MYO3B: variants seen among roughly 807,000 people sequenced by gnomAD.
The protein encoded by MYO3B is myosin IIIB, also known as myosin-IIIb.
A neutral mutation model predicts 174.6 loss-of-function variants in MYO3B; 156 were observed. The observed-to-expected ratio is 0.89, with a 90% CI of 0.78 to 1.02. The LOEUF is 1.02. Among genes scored for constraint, MYO3B ranks in the 50% least tolerant of loss-of-function variants. The pLI, the probability that MYO3B is intolerant of heterozygous loss-of-function variation, is 0.00. For synonymous variants in MYO3B, 563 were observed against 569.1 expected, an observed-to-expected ratio of 0.99 and a Z score of 0.15; for missense variants, 1,632 against 1,639.4, an observed-to-expected ratio of 1.00 and a Z score of 0.08.
intron 22 of MYO3B, among the ~76,000 whole-genome samples, chr2:170,419,238 A>C (rs2105850027): frequency 6.6e-6 from 1 of 152,364 alleles, no homozygotes; most frequent in East Asian, 1.9e-4. Flanking sequence ...CTTTTCACAA[A>C]TAAAGAGGTC....
intron 32 of MYO3B, among the ~76,000 whole-genome samples, chr2:170,546,670 G>A (rs1015820192): frequency 2.0e-5 from 3 of 152,128 alleles, no homozygotes; most frequent in Non-Finnish European, 2.9e-5. Context: ...TTTCCGTTTC[G>A]CATATATTAT....
At chr2:170,503,221 C>T (rs923862107) in intron 28 of MYO3B, among the ~76,000 whole-genome samples, 1 of 152,208 alleles carries the variant, frequency 6.6e-6, no homozygotes, top group Non-Finnish European at 1.5e-5. Context: ...GTTCAGTATA[C>T]AGGAATCATA....
chr2:170,523,823 G>C (rs77783477), intron 30 of MYO3B, among the ~76,000 whole-genome samples: 1 of 152,162 alleles, frequency 6.6e-6, no homozygotes, highest in African/African-American at 2.4e-5. Flanking sequence ...TTTGCTAGGA[G>C]GGAAATCTTT....
At chr2:170,372,158 A>G (rs1271347) in intron 9 of MYO3B, among the ~76,000 whole-genome samples, 25 of 149,480 alleles carry the variant, frequency 1.7e-4, no homozygotes, top group Admixed American at 1.5e-3. Flanking sequence ...ACAACAACAA[A>G]GAAAAAAATC....
At chr2:170,555,189 CTCTCCT>C (rs1242417625) in intron 32 of MYO3B, among the ~76,000 whole-genome samples, 5 of 152,086 alleles carry the variant, frequency 3.3e-5, no homozygotes, top group African/African-American at 1.2e-4. Flanking sequence ...ACCCTTTCTC[CTCTCCT>C]TTTCTCCCTG....
At chr2:170,484,854 C>T (rs1281609597) in intron 25 of MYO3B, among the ~76,000 whole-genome samples, 1 of 152,012 alleles carries the variant, frequency 6.6e-6, no homozygotes, top group East Asian at 1.9e-4. Flanking sequence ...TAATCTAAAT[C>T]TGAATTTTTA....
At chr2:170,629,253 T>G (rs1256145966) in intron 32 of MYO3B, among the ~76,000 whole-genome samples, 1 of 152,226 alleles carries the variant, frequency 6.6e-6, no homozygotes, top group Admixed American at 6.5e-5. Context: ...TCTGCTGGAC[T>G]GCCAGCCACC....
chr2:170,616,161 T>A (rs571170896), intron 32 of MYO3B, among the ~76,000 whole-genome samples: 1 of 152,228 alleles, frequency 6.6e-6, no homozygotes, highest in Admixed American at 6.5e-5. Context: ...AGACAACCGG[T>A]TAGACCAGAA....
intron 3 of MYO3B, among the ~76,000 whole-genome samples, chr2:170,205,364 G>A (rs145631744): frequency 2.8e-4 from 42 of 152,198 alleles, no homozygotes; most frequent in African/African-American, 1.0e-3. Context: ...AAATTCCAGG[G>A]TTGCATTTTC....
At chr2:170,203,249 C>A (rs1002831060) in intron 3 of MYO3B, among the ~76,000 whole-genome samples, 1 of 152,158 alleles carries the variant, frequency 6.6e-6, no homozygotes, top group Non-Finnish European at 1.5e-5. Context: ...GTAGCTAAAG[C>A]ATGAACTATA....
chr2:170,208,148 T>C, intron 3 of MYO3B, among the ~76,000 whole-genome samples: 1 of 152,186 alleles, frequency 6.6e-6, no homozygotes, highest in East Asian at 1.9e-4. Context: ...TAACTTCCAT[T>C]ATCATCTACC....
intron 22 of MYO3B, among the ~76,000 whole-genome samples, chr2:170,435,802 A>G (rs928341333): frequency 1.3e-5 from 2 of 152,178 alleles, no homozygotes; most frequent in South Asian, 2.1e-4. Context: ...ACCAACAATC[A>G]CCACTGGAAC....
chr2:170,431,558 A>G (rs1408944409), intron 22 of MYO3B, among the ~76,000 whole-genome samples: 1 of 152,242 alleles, frequency 6.6e-6, no homozygotes, highest in Non-Finnish European at 1.5e-5. Context: ...CAGTGAAAAC[A>G]TTGGTTTGGC....
intron 25 of MYO3B, among the ~76,000 whole-genome samples, chr2:170,489,404 C>T (rs575763480): frequency 9.9e-5 from 15 of 152,076 alleles, no homozygotes; most frequent in Non-Finnish European, 8.8e-5. Context: ...CCCCAGTGTG[C>T]GGTGCAGAAG....
At position 170,244,241 on chromosome 2, in the gene MYO3B, T is replaced by A. The variant is rs927243883; in HGVS notation, c.749+8105T>A. Among the ~76,000 whole-genome samples, 13 of 152,222 alleles carry A rather than the reference T, an allele frequency of 8.5e-5. 1 individual carries two copies. Among genetic ancestry groups the A allele is most frequent in the African/African-American group, 2.7e-4 (11 of 41,508 alleles). ...TCAACCTTCTCCAGGGTTCTAGAAA[T>A]TTTTTTGTCTGCAGATAAAGGGACA... On this transcript the variant is annotated intron_variant, in intron 7 of 34. Transcript: ENST00000408978.
At chr2:170,256,814 G>A (rs910264654) in intron 7 of MYO3B, among the ~76,000 whole-genome samples, 5 of 152,132 alleles carry the variant, frequency 3.3e-5, no homozygotes, top group African/African-American at 1.2e-4. Flanking sequence ...AGAGTGGCAA[G>A]TTGAATAATA....
At chr2:170,386,323 A>C in intron 13 of MYO3B, 51 bp downstream of exon 13, 1 of 1,451,486 alleles carries the variant, frequency 6.9e-7, no homozygotes. Flanking sequence ...CTACAGAGTA[A>C]CTGCATATTT....
chr2:170,374,762 C>CACACACAT (rs1323069875), intron 9 of MYO3B, among the ~76,000 whole-genome samples: 4,471 of 45,604 alleles, frequency 0.098, 218 homozygotes, highest in African/African-American at 0.21. Flanking sequence ...CATACATACA[C>CACACACAT]ACACACACAC....
Position 170,498,684 on chromosome 2 carries a change from G to T in MYO3B, c.3107G>T (p.Trp1036Leu). 6.2e-7 allele frequency: 1 copy of T among 1,610,828 alleles called. No homozygotes were observed. Among genetic ancestry groups the T allele is most frequent in the Non-Finnish European group, 8.5e-7 (1 of 1,177,108 alleles). ...AILEKSRLDH[W>L]VLGKTKVFLK... Reference sequence around the variant, plus strand: ...TTGGAAAAGTCCAGATTAGATCACTGGGTACTGGGAAAAACAAAGGTAGTT... The same window carrying T: ...TTGGAAAAGTCCAGATTAGATCACTTGGTACTGGGAAAAACAAAGGTAGTT... The change falls in exon 26 of 35, where the codon TGG becomes TTG. Residue 1036 changes from tryptophan (W) to leucine (L), a missense_variant. By Grantham distance (61) the Trp-to-Leu change is moderately conservative (BLOSUM62 -2). Coordinates refer to ENST00000408978, the MANE Select transcript of MYO3B (RefSeq NM_138995.5).
Sources: allele counts gnomAD v4.1 joint callset (sites outside exome capture counted in the v4.1 genomes callset), GRCh38; gene constraint gnomAD v4.1.1; transcripts MANE v1.5; gene names NCBI Gene and HGNC (gene_info 2026-07-23, HGNC 2026-07-21).